Variants in NEGR1 observed in about 807,000 individuals in gnomAD.
The protein encoded by NEGR1 is IgLON family member 4.
In NEGR1, 10 loss-of-function variants were observed where a neutral mutation model predicts 40.9. The observed-to-expected ratio is 0.24, with a 90% CI of 0.15 to 0.42. The LOEUF is 0.42. Among genes scored for constraint, NEGR1 ranks in the 10% least tolerant of loss-of-function variants. The pLI, the probability that NEGR1 is intolerant of heterozygous loss-of-function variation, is 1.00. For missense variants in NEGR1, 352 were observed against 438.9 expected, an observed-to-expected ratio of 0.80 and a Z score of 1.77; for synonymous variants, 185 against 166.8, an observed-to-expected ratio of 1.11 and a Z score of -0.84.
At chr1:71,508,830 A>C (rs1647053171) in intron 6 of NEGR1, among the ~76,000 whole-genome samples, 1 of 152,218 alleles carries the variant, frequency 6.6e-6, no homozygotes, top group Non-Finnish European at 1.5e-5. Flanking sequence ...TTTAGAATGC[A>C]GTCCTATACT....
intron 1 of NEGR1, among the ~76,000 whole-genome samples, chr1:72,045,781 T>C (rs955884548): frequency 2.0e-5 from 3 of 151,486 alleles, no homozygotes; most frequent in Admixed American, 6.6e-5. Flanking sequence ...AAATTCAATA[T>C]GAAAAATGAA....
chr1:71,739,810 T>C (rs1655159538), intron 3 of NEGR1, among the ~76,000 whole-genome samples: 1 of 152,310 alleles, frequency 6.6e-6, no homozygotes, highest in East Asian at 1.9e-4. Context: ...ATAGGTTTTG[T>C]CTTTATAAAG....
intron 1 of NEGR1, among the ~76,000 whole-genome samples, chr1:72,243,442 A>G (rs905224675): frequency 1.3e-5 from 2 of 151,774 alleles, no homozygotes; most frequent in African/African-American, 2.4e-5. Context: ...TGTGACACGC[A>G]ATTTACCCAT....
At chr1:72,143,891 T>C (rs1462978779) in intron 1 of NEGR1, among the ~76,000 whole-genome samples, 1 of 102,624 alleles carries the variant, frequency 9.7e-6, no homozygotes, top group Non-Finnish European at 2.0e-5. Context: ...TTCATATATA[T>C]ATATTATATA....
At chr1:71,747,793 T>C (rs912210651) in intron 3 of NEGR1, among the ~76,000 whole-genome samples, 7 of 150,468 alleles carry the variant, frequency 4.7e-5, no homozygotes, top group African/African-American at 1.7e-4. Flanking sequence ...ATTTTTATAA[T>C]AATCTTGAAT....
At chr1:71,662,504 AT>A (rs1652099371) in intron 4 of NEGR1, among the ~76,000 whole-genome samples, 1 of 152,166 alleles carries the variant, frequency 6.6e-6, no homozygotes, top group African/African-American at 2.4e-5. Context: ...TGGTTCTACC[AT>A]TTATTAATAA....
Position 71,704,163 on chromosome 1 carries a change from T to TCACACA in NEGR1, c.536-6030_536-6025dup, listed in dbSNP as rs3077140. On this transcript the variant is annotated intron_variant, in intron 3 of 6. Coordinates refer to ENST00000357731, the MANE Select transcript of NEGR1 (RefSeq NM_173808.3). Reference sequence around the variant, plus strand: ...TAGAATCTCTCTCTCTCTCTCTCTGTCACACACACACACACACACACACAC... The same window carrying TCACACA: ...TAGAATCTCTCTCTCTCTCTCTCTGTCACACACACACACACACACACACACACACAC... Among the ~76,000 whole-genome samples, 985 of 142,200 alleles carry TCACACA rather than the reference T, an allele frequency of 6.9e-3. 13 individuals are homozygous for TCACACA. The highest frequency in any genetic ancestry group is 0.034 in the East Asian group (162 of 4,762). 93.3% of individuals were successfully genotyped at this position (142,200 alleles called of 152,430 possible). A position where few individuals can be genotyped will look rare whatever the true frequency, so the allele number is the denominator to read the frequency against.
chr1:71,637,058 G>A (rs1343949112), intron 4 of NEGR1, among the ~76,000 whole-genome samples: 5 of 152,086 alleles, frequency 3.3e-5, no homozygotes, highest in East Asian at 3.9e-4. Context: ...TAGTTCTCCC[G>A]TTTTAAGGTA....
intron 4 of NEGR1, among the ~76,000 whole-genome samples, chr1:71,658,378 TGTC>T (rs1205481488): frequency 2.0e-5 from 3 of 152,202 alleles, no homozygotes; most frequent in African/African-American, 7.2e-5. Context: ...CAATAACTAT[TGTC>T]GTCCTTGGTT....
intron 2 of NEGR1, among the ~76,000 whole-genome samples, chr1:71,820,138 C>G (rs551832323): frequency 9.2e-5 from 14 of 152,056 alleles, no homozygotes; most frequent in Admixed American, 9.2e-4. Context: ...GAAATTCTGA[C>G]CCACAGATGG....
intron 3 of NEGR1, among the ~76,000 whole-genome samples, chr1:71,761,750 C>T (rs983890493): frequency 4.0e-5 from 6 of 151,776 alleles, no homozygotes; most frequent in East Asian, 1.9e-4. Context: ...AAACATTCTC[C>T]GACAAGGAAG....
intron 2 of NEGR1, among the ~76,000 whole-genome samples, chr1:71,797,863 A>C (rs1657396956): frequency 6.6e-6 from 1 of 152,044 alleles, no homozygotes; most frequent in Non-Finnish European, 1.5e-5. Flanking sequence ...CTATTTGTGC[A>C]GATCATTTTT....
intron 1 of NEGR1, among the ~76,000 whole-genome samples, chr1:72,048,664 G>A (rs1012955699): frequency 6.6e-5 from 10 of 151,446 alleles, no homozygotes; most frequent in African/African-American, 2.4e-4. Flanking sequence ...ATCTAATAAG[G>A]AATAATACTA....
intron 3 of NEGR1, among the ~76,000 whole-genome samples, chr1:71,737,550 T>C (rs1260304580): frequency 2.6e-5 from 4 of 152,172 alleles, no homozygotes; most frequent in African/African-American, 7.2e-5. Context: ...TTTTGGGGTA[T>C]ATACATGCCA....
intron 1 of NEGR1, among the ~76,000 whole-genome samples, chr1:72,078,169 A>G (rs1647831856): frequency 1.3e-5 from 2 of 152,150 alleles, no homozygotes. Context: ...CCCTAAATTA[A>G]CCTAAAGAGT....
intron 3 of NEGR1, among the ~76,000 whole-genome samples, chr1:71,730,664 C>T (rs1349151539): frequency 6.7e-6 from 1 of 149,670 alleles, no homozygotes; most frequent in African/African-American, 2.4e-5. Context: ...AATTCACTTC[C>T]ACATTTTCCA....
intron 6 of NEGR1, among the ~76,000 whole-genome samples, chr1:71,558,939 G>A (rs752968547): frequency 1.5e-4 from 22 of 149,366 alleles, no homozygotes; most frequent in Non-Finnish European, 2.2e-4. Context: ...AGCAGACAGT[G>A]TTAGGGAAGG....
intron 1 of NEGR1, among the ~76,000 whole-genome samples, chr1:72,179,850 G>A (rs1444654442): frequency 6.6e-6 from 1 of 151,816 alleles, no homozygotes; most frequent in East Asian, 1.9e-4. Context: ...CCTGCACACT[G>A]AAAACTATAA....
At chr1:72,119,610 A>G (rs1446740701) in intron 1 of NEGR1, among the ~76,000 whole-genome samples, 1 of 151,888 alleles carries the variant, frequency 6.6e-6, no homozygotes, top group Admixed American at 6.6e-5. Context: ...ATATCAGATG[A>G]TCTTAGTACT....
Sources: allele counts gnomAD v4.1 joint callset (sites outside exome capture counted in the v4.1 genomes callset), GRCh38; gene constraint gnomAD v4.1.1; transcripts MANE v1.5; gene names NCBI Gene and HGNC (gene_info 2026-07-23, HGNC 2026-07-21).